CHRNB3: variants seen among roughly 807,000 people sequenced by gnomAD.
The protein encoded by CHRNB3 is cholinergic receptor nicotinic beta 3 subunit.
In CHRNB3, 37 loss-of-function variants were observed where a neutral mutation model predicts 40.6. The ratio of observed to expected loss-of-function variants is 0.91; its 90% CI spans 0.70 to 1.20. The LOEUF (loss-of-function observed/expected upper bound fraction) is 1.20. CHRNB3 is among the 50% of genes most tolerant of loss of function. The pLI is 0.00. For missense variants in CHRNB3, 505 were observed against 551.2 expected, an observed-to-expected ratio of 0.92 and a Z score of 0.84; for synonymous variants, 207 against 207.1, an observed-to-expected ratio of 1.00 and a Z score of 0.00.
rs16891563 is a variant in CHRNB3, at chr8:42,730,167, G to C, written c.250-427G>C. ...AGGTGGATGTTCATCTAAGCCTCTTGAGTGGTGTTTAAAATCACTTGTACC... is the reference window on the plus strand; with the variant it reads ...AGGTGGATGTTCATCTAAGCCTCTTCAGTGGTGTTTAAAATCACTTGTACC... On this transcript the variant is annotated intron_variant, in intron 3 of 5. Transcript: ENST00000289957. 8.0e-3 allele frequency among the ~76,000 whole-genome samples: 1,213 copies of C among 152,228 alleles called. 17 individuals carry two copies. Among genetic ancestry groups the C allele is most frequent in the African/African-American group, 0.028 (1,153 of 41,522 alleles).
At chr8:42,734,329 G>T (rs67402463) in intron 5 of CHRNB3, among the ~76,000 whole-genome samples, 146,775 of 148,572 alleles carry the variant, frequency 0.99, 72,515 homozygotes, top group East Asian at 1. Flanking sequence ...ATTTATATGA[G>T]AACTTCAATT....
intron 3 of CHRNB3, among the ~76,000 whole-genome samples, chr8:42,712,360 T>C (rs1293859127): frequency 2.0e-5 from 3 of 152,212 alleles, no homozygotes; most frequent in African/African-American, 7.2e-5. Flanking sequence ...GGGATATCTT[T>C]CTGCTAATGC....
intron 2 of CHRNB3, among the ~76,000 whole-genome samples, chr8:42,709,817 A>G (rs574496591): frequency 1.3e-5 from 2 of 152,250 alleles, no homozygotes; most frequent in African/African-American, 4.8e-5. Context: ...TTTTTAGTAG[A>G]GACGGGGTTT....
At chr8:42,725,524 C>T (rs1161906100) in intron 3 of CHRNB3, 1 of 713,418 alleles carries the variant, frequency 1.4e-6, no homozygotes, top group Non-Finnish European at 2.5e-6. Flanking sequence ...TAAAAATTTA[C>T]TGCAGTTTGG....
At chr8:42,706,605 C>T (rs1284888554) in intron 1 of CHRNB3, among the ~76,000 whole-genome samples, 1 of 152,094 alleles carries the variant, frequency 6.6e-6, no homozygotes, top group Non-Finnish European at 1.5e-5. Context: ...AGGATGACTT[C>T]AAGAATGTCC....
intron 3 of CHRNB3, among the ~76,000 whole-genome samples, chr8:42,710,712 C>T (rs141942220): frequency 2.4e-4 from 36 of 152,238 alleles, no homozygotes; most frequent in African/African-American, 8.7e-4. Flanking sequence ...GGGGATGGGC[C>T]CTGGGACCAC....
chr8:42,721,178 C>T (rs1816212764), intron 3 of CHRNB3, among the ~76,000 whole-genome samples: 1 of 152,232 alleles, frequency 6.6e-6, no homozygotes, highest in Non-Finnish European at 1.5e-5. Context: ...CAGCTGAGAA[C>T]ATTTTAGTTG....
intron 5 of CHRNB3, 110 bp downstream of exon 5, chr8:42,732,659 T>G (rs553038321): frequency 1.0e-6 from 1 of 997,772 alleles, no homozygotes; most frequent in African/African-American, 1.6e-5. Flanking sequence ...TGACGTTATA[T>G]AAGACATGCT....
rs369679759 is a variant in CHRNB3, at chr8:42,732,133, A to G, written c.826A>G (p.Thr276Ala). The part of the protein sequence containing the change: ...SLSTSVLVSL[T>A]VFLLVIEEII... ...ATCCACATCGGTCTTGGTTTCTCTGACAGTTTTCCTTTTAGTGATTGAAGA... is the reference window on the plus strand; with the variant it reads ...ATCCACATCGGTCTTGGTTTCTCTGGCAGTTTTCCTTTTAGTGATTGAAGA... Residue 276 changes from threonine to alanine, a missense_variant, in exon 5 of 6, where the codon ACA (threonine) becomes GCA (alanine). Coordinates refer to ENST00000289957, the MANE Select transcript of CHRNB3 (RefSeq NM_000749.5). The G allele has an allele frequency of 5.4e-5, 87 of 1,612,686 alleles. No homozygotes were observed. The highest frequency in any genetic ancestry group is 7.0e-5 in the Non-Finnish European group (83 of 1,179,724).
intron 3 of CHRNB3, among the ~76,000 whole-genome samples, chr8:42,724,537 A>T (rs1816272631): frequency 6.6e-6 from 1 of 152,146 alleles, no homozygotes; most frequent in Admixed American, 6.5e-5. Flanking sequence ...GGGTTGGTCG[A>T]CTGCTACAGG....
At chr8:42,715,894 C>T (rs759082738) in intron 3 of CHRNB3, among the ~76,000 whole-genome samples, 10 of 151,998 alleles carry the variant, frequency 6.6e-5, no homozygotes, top group Non-Finnish European at 1.3e-4. Flanking sequence ...ACTTACTGCT[C>T]CAGTCCCTCA....
intron 5 of CHRNB3, among the ~76,000 whole-genome samples, chr8:42,734,355 T>C (rs1417554684): frequency 6.6e-6 from 1 of 151,488 alleles, no homozygotes; most frequent in African/African-American, 2.4e-5. Flanking sequence ...GGTTCAAATA[T>C]TTTACTCTAA....
At position 42,731,922 on chromosome 8, in the gene CHRNB3, CGCAAA is replaced by C; in HGVS notation, c.617_621del (p.Ala206GlyfsTer54). On this transcript the variant is annotated frameshift_variant, in exon 5 of 6. Transcript: ENST00000289957. LOFTEE classifies it high-confidence loss of function. Reference sequence around the variant, plus strand: ...ATAACGGAGAATGGGAAATACTGAACGCAAAGGGGATGAAGGGGAACAGAAGGGAC... The same window carrying C: ...ATAACGGAGAATGGGAAATACTGAACGGGGATGAAGGGGAACAGAAGGGAC... The C allele has an allele frequency of 2.5e-6, 4 of 1,614,052 alleles. No homozygotes were observed. Among genetic ancestry groups the C allele is most frequent in the Non-Finnish European group, 3.4e-6 (4 of 1,180,028 alleles).
rs930412356 is a variant in CHRNB3, at chr8:42,732,473, T to C, written c.1166T>C (p.Val389Ala). The C allele has an allele frequency of 6.2e-6, 10 of 1,611,778 alleles. No individual in the cohort carries two copies. The African/African-American group carries it at 8.0e-5, about 13-fold the overall frequency. Residue 389 changes from valine to alanine, a missense_variant, in exon 5 of 6, where the codon GTT becomes GCT. Val to Ala is a moderately conservative substitution (Grantham distance 64). Transcript: ENST00000289957. ...CTTAGTGATGGAGAAAAAGTTCTAGTTGCTTTTTTGGAAAAAGCTGCTGAT... is the reference window on the plus strand; with the variant it reads ...CTTAGTGATGGAGAAAAAGTTCTAGCTGCTTTTTTGGAAAAAGCTGCTGAT... ...KQLSDGEKVL[V>A]AFLEKAADSI...
At position 42,700,740 on chromosome 8, in the gene CHRNB3, T is replaced by C. The variant is rs2128904028; in HGVS notation, c.52+3142T>C. Among the ~76,000 whole-genome samples the C allele has an allele frequency of 3.3e-5, 5 of 152,164 alleles. No homozygotes were observed. In the South Asian group the frequency reaches 1.0e-3, roughly 32 times the overall value. ...AAAATTATGGACAGATGTTGATGGA[T>C]CTAGAAATACAGATCTGAGATTTAT... On this transcript the variant is annotated intron_variant, in intron 1 of 5. Coordinates refer to ENST00000289957, the MANE Select transcript of CHRNB3 (RefSeq NM_000749.5).
chr8:42,704,691 T>G (rs1297700900), intron 1 of CHRNB3, among the ~76,000 whole-genome samples: 1 of 152,120 alleles, frequency 6.6e-6, no homozygotes, highest in Non-Finnish European at 1.5e-5. Context: ...TGTGTGTGTG[T>G]GTGTGTGTGC....
chr8:42,703,826 A>T (rs930295560), intron 1 of CHRNB3, among the ~76,000 whole-genome samples: 9 of 152,192 alleles, frequency 5.9e-5, no homozygotes, highest in Non-Finnish European at 1.3e-4. Context: ...TGTGAGAAGC[A>T]CTTGGCCTTT....
At position 42,736,092 on chromosome 8, in the gene CHRNB3, T is replaced by C. The variant is rs528834228; in HGVS notation, c.1243-392T>C. Reference sequence around the variant, plus strand: ...TGTTGGCCAGCTCGTCTCGAACTCCTGACCTCAGGTGATCCCCCCACCCCC... The same window carrying C: ...TGTTGGCCAGCTCGTCTCGAACTCCCGACCTCAGGTGATCCCCCCACCCCC... On this transcript the variant is annotated intron_variant, in intron 5 of 5. Coordinates refer to ENST00000289957, the MANE Select transcript of CHRNB3 (RefSeq NM_000749.5). 1.2e-4 allele frequency among the ~76,000 whole-genome samples: 18 copies of C among 152,282 alleles called. No individual in the cohort carries two copies. In the East Asian group the frequency reaches 3.5e-3, roughly 29 times the overall value.
At chr8:42,720,124 T>C (rs1389229290) in intron 3 of CHRNB3, among the ~76,000 whole-genome samples, 1 of 98,078 alleles carries the variant, frequency 1.0e-5, no homozygotes, top group East Asian at 2.8e-4. Context: ...TTTTTTTTTT[T>C]TTTTTTTTTT....
Sources: gnomAD v4.1 joint callset for allele counts (sites outside exome capture counted in the v4.1 genomes callset) on GRCh38, gnomAD v4.1.1 for gene constraint, MANE v1.5 for transcripts, NCBI Gene and HGNC (gene_info 2026-07-23, HGNC 2026-07-21) for gene names.